INHBC: variants seen among roughly 807,000 people sequenced by gnomAD.
INHBC encodes the protein inhibin subunit beta C, also known as inhibin beta C chain.
A neutral mutation model predicts 12.4 loss-of-function variants in INHBC; 10 were observed. The observed-to-expected ratio is 0.81, with a 90% CI of 0.50 to 1.37. INHBC has a LOEUF of 1.37. INHBC is among the 40% of genes most tolerant of loss of function. The pLI, the probability that INHBC is intolerant of heterozygous loss-of-function variation, is 0.00. For synonymous variants in INHBC, 147 were observed against 171.6 expected, an observed-to-expected ratio of 0.86 and a Z score of 1.12; for missense variants, 382 against 439.4, an observed-to-expected ratio of 0.87 and a Z score of 1.17.
At chr12:57,447,924 A>ATAT (rs1566551470) in intron 1 of INHBC, among the ~76,000 whole-genome samples, 23 of 81,048 alleles carry the variant, frequency 2.8e-4, no homozygotes, top group Admixed American at 5.5e-4. Flanking sequence ...TATATATATA[A>ATAT]AATATATGTG....
At chr12:57,446,704 G>A (rs1254156299) in intron 1 of INHBC, among the ~76,000 whole-genome samples, 1 of 151,882 alleles carries the variant, frequency 6.6e-6, no homozygotes, top group Admixed American at 6.6e-5. Context: ...AAGTTGTCCA[G>A]GCTGATCTCA....
chr12:57,435,212 T>A lies in INHBC; in HGVS notation c.313+13T>A. The A allele has an allele frequency of 6.3e-7, 1 of 1,595,880 alleles. No individual in the cohort carries two copies. Among genetic ancestry groups the A allele is most frequent in the Non-Finnish European group, 8.6e-7 (1 of 1,167,354 alleles). On this transcript the variant is annotated intron_variant, in intron 1 of 1. Coordinates refer to ENST00000309668, the MANE Select transcript of INHBC (RefSeq NM_005538.4). Reference sequence around the variant, plus strand: ...TTTGCTGAGACAGGTGGGTTCCTGATCTGTAGCTCTTCCCCAGAACTTGAC... The same window carrying A: ...TTTGCTGAGACAGGTGGGTTCCTGAACTGTAGCTCTTCCCCAGAACTTGAC...
chr12:57,435,141 G>T lies in INHBC; in HGVS notation c.255G>T (p.Gly85=), dbSNP rs756379915. Residue 85 remains glycine (G), a synonymous_variant, in exon 1 of 2, where the codon GGG becomes GGT. Coordinates refer to ENST00000309668, the MANE Select transcript of INHBC (RefSeq NM_005538.4). ...AGCACCTCCACGGGGTCCCACAGGG[G>T]GCACTTCTAGAGGACAACAGGGAAC... is the stretch of plus-strand genomic sequence containing the variant. The part of the protein sequence containing the change: ...ALQHLHGVPQ[G]ALLEDNREQE... 3 of 1,614,178 alleles carry T rather than the reference G, an allele frequency of 1.9e-6. No individual in the cohort carries two copies. Among genetic ancestry groups the T allele is most frequent in the East Asian group, 4.5e-5 (2 of 44,886 alleles).
chr12:57,437,522 T>C (rs1186736177), intron 1 of INHBC, among the ~76,000 whole-genome samples: 1 of 151,168 alleles, frequency 6.6e-6, no homozygotes, highest in Non-Finnish European at 1.5e-5. Context: ...ACAAAAAAAA[T>C]TAGCTGGGCA....
In INHBC at chr12:57,451,859, A is replaced by G; in HGVS notation, c.*1837A>G. On this transcript the variant is annotated 3_prime_UTR_variant, in exon 2 of 2. Transcript: ENST00000309668. ...GACCCCCAGATCTAACCTCCTTCCCAATTACAGCTTAGTCTCCAGGGCTAG... is the reference window on the plus strand; with the variant it reads ...GACCCCCAGATCTAACCTCCTTCCCGATTACAGCTTAGTCTCCAGGGCTAG... The G allele has an allele frequency of 2.2e-6, 1 of 455,636 alleles. No homozygotes were observed. Among genetic ancestry groups the G allele is most frequent in the Non-Finnish European group, 4.4e-6 (1 of 226,706 alleles). 28.2% of individuals were successfully genotyped at this position (455,636 alleles called of 1,614,324 possible).
intron 1 of INHBC, among the ~76,000 whole-genome samples, chr12:57,443,693 G>A (rs1870517019): frequency 1.3e-5 from 2 of 152,190 alleles, no homozygotes; most frequent in South Asian, 4.1e-4. Context: ...AGGTTTTTGA[G>A]ACCATGAATT....
In INHBC at chr12:57,451,425, G is replaced by C. The variant is rs1014316291; in HGVS notation, c.*1403G>C. Among the ~76,000 whole-genome samples, 5 of 152,202 alleles carry C rather than the reference G, an allele frequency of 3.3e-5. No homozygotes were observed. The highest frequency in any genetic ancestry group is 1.2e-4 in the African/African-American group (5 of 41,446). On this transcript the variant is annotated 3_prime_UTR_variant, in exon 2 of 2. Coordinates refer to ENST00000309668, the MANE Select transcript of INHBC (RefSeq NM_005538.4). Reference sequence around the variant, plus strand: ...GCAAGGGCTGCTGGAGTGGGACAGGGAGAAGAGGAAGGCCTGGATGAGGAG... The same window carrying C: ...GCAAGGGCTGCTGGAGTGGGACAGGCAGAAGAGGAAGGCCTGGATGAGGAG...
chr12:57,445,860 C>T (rs963557521), intron 1 of INHBC, among the ~76,000 whole-genome samples: 5 of 151,898 alleles, frequency 3.3e-5, no homozygotes, highest in African/African-American at 1.2e-4. Context: ...ATTCTCCTGC[C>T]TCAGCCTCCC....
At position 57,449,728 on chromosome 12, in the gene INHBC, C is replaced by G. The variant is rs1870668055; in HGVS notation, c.765C>G (p.Asp255Glu). 1 of 1,614,136 alleles carries G rather than the reference C, an allele frequency of 6.2e-7. No individual in the cohort carries two copies. The highest frequency in any genetic ancestry group is 1.7e-5 in the Admixed American group (1 of 60,016). The change falls in exon 2 of 2, where the codon GAC becomes GAG. Residue 255 changes from aspartate to glutamate, a missense_variant. Physicochemically the swap from Asp to Glu is conservative, Grantham distance 45. Coordinates refer to ENST00000309668, the MANE Select transcript of INHBC (RefSeq NM_005538.4). ...GCTGTCGACAAGAGTTTTTTGTGGA[C>G]TTCCGTGAGATTGGCTGGCACGACT... The part of the protein sequence containing the change: ...RMCCRQEFFV[D>E]FREIGWHDWI...
Position 57,449,360 on chromosome 12 carries a change from A to G in INHBC, c.397A>G (p.Ser133Gly), listed in dbSNP as rs1285629082. 6.2e-7 allele frequency: 1 copy of G among 1,614,100 alleles called. No individual in the cohort carries two copies. The highest frequency in any genetic ancestry group is 1.3e-5 in the African/African-American group (1 of 74,936). The change falls in exon 2 of 2, where the codon AGT becomes GGT. Residue 133 changes from serine to glycine, a missense_variant. Ser to Gly is a moderately conservative substitution (Grantham distance 56). Coordinates refer to ENST00000309668, the MANE Select transcript of INHBC (RefSeq NM_005538.4). ...TAGDREVQQASLMFFVQLPSN... is the reference protein window; with the variant it reads ...TAGDREVQQAGLMFFVQLPSN... ...TGGTGACAGGGAGGTCCAGCAGGCC[A>G]GTCTCATGTTCTTTGTGCAGCTCCC...
chr12:57,444,365 A>T (rs1594728580), intron 1 of INHBC, among the ~76,000 whole-genome samples: 2 of 151,942 alleles, frequency 1.3e-5, no homozygotes, highest in Admixed American at 1.3e-4. Context: ...ACATGGCAAA[A>T]CTCCGTCTCT....
At chr12:57,445,095 AG>A (rs1055452822) in intron 1 of INHBC, among the ~76,000 whole-genome samples, 1 of 152,240 alleles carries the variant, frequency 6.6e-6, no homozygotes, top group African/African-American at 2.4e-5. Context: ...AAGACATTCC[AG>A]GGAAAGAGAC....
rs774534135 is a variant in INHBC, at chr12:57,435,140, GGGC to G, written c.255_257del (p.Ala86del). The G allele has an allele frequency of 1.2e-6, 2 of 1,614,160 alleles. No individual in the cohort carries two copies. The highest frequency in any genetic ancestry group is 2.2e-5 in the South Asian group (2 of 91,084). On this transcript the variant is annotated inframe_deletion, in exon 1 of 2. Coordinates refer to ENST00000309668, the MANE Select transcript of INHBC (RefSeq NM_005538.4). The stretch of plus-strand genomic sequence containing the variant: ...CAGCACCTCCACGGGGTCCCACAGG[GGGC>G]ACTTCTAGAGGACAACAGGGAACAG...
At chr12:57,435,320 G>T in intron 1 of INHBC, 121 bp downstream of exon 1, 1 of 950,686 alleles carries the variant, frequency 1.1e-6, no homozygotes, top group South Asian at 1.7e-5. Context: ...CTTCCCACAG[G>T]CTATAATCTC....
chr12:57,436,621 C>T (rs1594725603), intron 1 of INHBC, among the ~76,000 whole-genome samples: 1 of 151,794 alleles, frequency 6.6e-6, no homozygotes, highest in East Asian at 1.9e-4. Context: ...GCTGGGACTA[C>T]AGGTATGCGC....
chr12:57,438,383 A>G (rs1870392711), intron 1 of INHBC, among the ~76,000 whole-genome samples: 2 of 152,232 alleles, frequency 1.3e-5, no homozygotes, highest in South Asian at 4.1e-4. Context: ...TGAGGGCTCC[A>G]CCCTCATTAC....
chr12:57,440,812 C>T (rs1175915083), intron 1 of INHBC, among the ~76,000 whole-genome samples: 1 of 152,188 alleles, frequency 6.6e-6, no homozygotes, highest in Non-Finnish European at 1.5e-5. Context: ...TACAAGTTCC[C>T]CTTTCTTCAG....
At chr12:57,444,169 C>A (rs1870527589) in intron 1 of INHBC, among the ~76,000 whole-genome samples, 1 of 152,158 alleles carries the variant, frequency 6.6e-6, no homozygotes, top group Non-Finnish European at 1.5e-5. Context: ...ACAGGCACAA[C>A]CGCTGTTTTC....
At chr12:57,438,276 G>A (rs906631660) in intron 1 of INHBC, among the ~76,000 whole-genome samples, 31 of 152,208 alleles carry the variant, frequency 2.0e-4, no homozygotes, top group African/African-American at 7.2e-4. Context: ...AAAGTGGAAG[G>A]GAGCAGGAAC....
Sources: gnomAD v4.1 joint callset for allele counts (sites outside exome capture counted in the v4.1 genomes callset) on GRCh38, gnomAD v4.1.1 for gene constraint, MANE v1.5 for transcripts, NCBI Gene and HGNC (gene_info 2026-07-23, HGNC 2026-07-21) for gene names.